DCBLD1: variants seen among roughly 807,000 people sequenced by gnomAD.
The protein encoded by DCBLD1 is discoidin, CUB and LCCL domain containing 1, also known as discoidin, CUB and LCCL domain-containing protein 1.
A neutral mutation model predicts 71.5 loss-of-function variants in DCBLD1; 57 were observed. That is an observed-to-expected ratio of 0.80 (90% CI 0.64 to 0.99). The LOEUF (loss-of-function observed/expected upper bound fraction) is 0.99. Ranked by LOEUF, DCBLD1 falls within the 50% of genes least tolerant of loss-of-function variation. The pLI is 0.00. For missense variants in DCBLD1, 891 were observed against 923.5 expected (o/e 0.96, Z 0.46); for synonymous variants, 380 against 363.8 (o/e 1.04, Z -0.51).
At chr6:117,517,519 T>C (rs1778242779) in intron 2 of DCBLD1, among the ~76,000 whole-genome samples, 1 of 152,188 alleles carries the variant, frequency 6.6e-6, no homozygotes, top group African/African-American at 2.4e-5. Flanking sequence ...CAGTAGGTAC[T>C]CTGTGTGGGG....
At chr6:117,560,913 T>A (rs773019322) in intron 14 of DCBLD1, 1 of 211,960 alleles carries the variant, frequency 4.7e-6, no homozygotes, top group Non-Finnish European at 9.6e-6. Context: ...CAGGGACATA[T>A]GAATTTCTTT....
chr6:117,532,440 C>A, intron 6 of DCBLD1, 47 bp downstream of exon 6: 1 of 1,516,360 alleles, frequency 6.6e-7, no homozygotes, highest in East Asian at 2.3e-5. Context: ...GAAGGTAACC[C>A]TGAAGGATAA....
At chr6:117,509,105 A>G (rs184805726) in intron 2 of DCBLD1, among the ~76,000 whole-genome samples, 9 of 152,302 alleles carry the variant, frequency 5.9e-5, no homozygotes, top group Admixed American at 3.3e-4. Context: ...TGAGCAAATT[A>G]TTTAAACTTT....
At chr6:117,554,037 G>T (rs1779464690), downstream of DCBLD1, among the ~76,000 whole-genome samples, 1 of 152,164 alleles carries the variant, frequency 6.6e-6, no homozygotes, top group South Asian at 2.1e-4. Context: ...AACAGTGTCT[G>T]ACCCATGATA....
chr6:117,558,393 T>G (rs988003554), intron 14 of DCBLD1, among the ~76,000 whole-genome samples: 1 of 152,216 alleles, frequency 6.6e-6, no homozygotes, highest in African/African-American at 2.4e-5. Context: ...TCTGCATCAC[T>G]GACCCTCCTG....
intron 4 of DCBLD1, among the ~76,000 whole-genome samples, chr6:117,522,302 A>T (rs757573373): frequency 6.6e-6 from 1 of 152,152 alleles, no homozygotes; most frequent in Non-Finnish European, 1.5e-5. Context: ...CCTGGCCTCT[A>T]TGTCCTAGAT....
intron 1 of DCBLD1, among the ~76,000 whole-genome samples, chr6:117,489,748 G>T (rs1056393262): frequency 6.6e-6 from 1 of 152,150 alleles, no homozygotes; most frequent in Non-Finnish European, 1.5e-5. Flanking sequence ...AGCCGGGCGT[G>T]GTGGCGGGTG....
At chr6:117,545,060 C>T (rs1779221349) in intron 13 of DCBLD1, among the ~76,000 whole-genome samples, 1 of 151,178 alleles carries the variant, frequency 6.6e-6, no homozygotes, top group African/African-American at 2.4e-5. Context: ...AATGAGTTAG[C>T]CATGGTCCAG....
chr6:117,545,010 C>G (rs963074816), intron 13 of DCBLD1, among the ~76,000 whole-genome samples: 2 of 149,522 alleles, frequency 1.3e-5, no homozygotes, highest in African/African-American at 4.9e-5. Flanking sequence ...CCAGCCCCGT[C>G]TGGTCTTTTT....
rs1478580978 is a variant in DCBLD1, at chr6:117,540,679, T to C, written c.1113T>C (p.Gly371=). The C allele has an allele frequency of 6.2e-7, 1 of 1,614,190 alleles. No individual in the cohort carries two copies. The highest frequency in any genetic ancestry group is 1.3e-5 in the African/African-American group (1 of 75,036). Residue 371 remains glycine (G), a synonymous_variant, in exon 10 of 15, where the codon GGT becomes GGC. Transcript: ENST00000338728. ...IVNNEEKVFQ[G]NSNFRDPVQN... ...ATTTCCTTCTATAGGTGTTTCAGGG[T>C]AACTCTAACTTTCGGGACCCAGTGC...
chr6:117,526,559 G>C (rs1405994103), intron 5 of DCBLD1, among the ~76,000 whole-genome samples: 3 of 152,150 alleles, frequency 2.0e-5, no homozygotes, highest in Non-Finnish European at 4.4e-5. Context: ...TCCTGACAGA[G>C]CTATATTTTT....
chr6:117,539,121 C>A, intron 8 of DCBLD1, 134 bp from the exon 9 acceptor site: 1 of 814,270 alleles, frequency 1.2e-6, no homozygotes, highest in Non-Finnish European at 1.9e-6. Context: ...TTTTTAAATG[C>A]AACTAATATA....
chr6:117,560,723 A>T (rs911464992), intron 14 of DCBLD1: 2 of 201,976 alleles, frequency 9.9e-6, no homozygotes, highest in African/African-American at 4.6e-5. Flanking sequence ...GTAGAAGAGA[A>T]TTTTAGAGGT....
chr6:117,569,574 G>C (rs769858138), intron 14 of DCBLD1: 5 of 1,612,394 alleles, frequency 3.1e-6, no homozygotes, highest in Admixed American at 3.4e-5. Context: ...GAATTTACCT[G>C]CTGAGAAAGA....
Position 117,548,868 on chromosome 6 carries a change from C to G in DCBLD1, c.*429C>G. 9.8e-7 allele frequency: 1 copy of G among 1,018,126 alleles called. No individual in the cohort carries two copies. Among genetic ancestry groups the G allele is most frequent in the East Asian group, 1.0e-4 (1 of 9,524 alleles). The allele number at this position is 1,018,126 out of a possible 1,614,324, so 63.1% of individuals were successfully genotyped here. A position where few individuals can be genotyped will look rare whatever the true frequency, so the allele number is the denominator to read the frequency against. On this transcript the variant is annotated 3_prime_UTR_variant, in exon 15 of 15. Transcript: ENST00000338728. Reference sequence around the variant, plus strand: ...GCAAAATGTATATAAATAGTATGTTCATTTTTTTCAGTATATTATCTGATA... The same window carrying G: ...GCAAAATGTATATAAATAGTATGTTGATTTTTTTCAGTATATTATCTGATA...
intron 2 of DCBLD1, among the ~76,000 whole-genome samples, chr6:117,514,658 G>C (rs1023686228): frequency 1.3e-5 from 2 of 151,522 alleles, no homozygotes; most frequent in Non-Finnish European, 1.5e-5. Flanking sequence ...TACCCCTCTA[G>C]TTACAATTTT....
At chr6:117,515,139 C>T (rs1050441037) in intron 2 of DCBLD1, among the ~76,000 whole-genome samples, 7 of 151,864 alleles carry the variant, frequency 4.6e-5, no homozygotes, top group African/African-American at 1.4e-4. Context: ...CCTGTCTCAG[C>T]CTCCCAAGTA....
chr6:117,558,450 T>C (rs937099155), intron 14 of DCBLD1, among the ~76,000 whole-genome samples: 3 of 152,300 alleles, frequency 2.0e-5, no homozygotes, highest in African/African-American at 7.2e-5. Flanking sequence ...TTTAATAATT[T>C]TTTCCAATTT....
chr6:117,518,264 C>T (rs1481782359), intron 2 of DCBLD1, among the ~76,000 whole-genome samples: 1 of 152,196 alleles, frequency 6.6e-6, no homozygotes, highest in African/African-American at 2.4e-5. Flanking sequence ...CACCTTTGCT[C>T]CAGTTCCCAA....
Sources: allele counts gnomAD v4.1 joint callset (sites outside exome capture counted in the v4.1 genomes callset), GRCh38; gene constraint gnomAD v4.1.1; transcripts MANE v1.5; gene names NCBI Gene and HGNC (gene_info 2026-07-23, HGNC 2026-07-21).